The following ROBO1 variants were observed in gnomAD, a reference collection of about 807,000 sequenced individuals.
ROBO1 encodes roundabout homolog 1.
A neutral mutation model predicts 195.9 loss-of-function variants in ROBO1; 149 were observed. The ratio of observed to expected loss-of-function variants is 0.76; its 90% CI spans 0.67 to 0.87. ROBO1 has a LOEUF of 0.87. Among genes scored for constraint, ROBO1 ranks in the 40% least tolerant of loss-of-function variants. The probability of loss-of-function intolerance (pLI) is 0.00; values close to 1 mark genes in which losing one functional copy is unlikely to be tolerated. For synonymous variants in ROBO1, 816 were observed against 733.2 expected, an observed-to-expected ratio of 1.11 and a Z score of -1.82; for missense variants, 1,933 against 2,068.3, an observed-to-expected ratio of 0.93 and a Z score of 1.27.
At chr3:79,417,495 A>G (rs767441065) in intron 2 of ROBO1, among the ~76,000 whole-genome samples, 3 of 152,100 alleles carry the variant, frequency 2.0e-5, no homozygotes, top group Non-Finnish European at 4.4e-5. Flanking sequence ...CTCTAAAACT[A>G]TATGAGATAA....
At chr3:79,352,806 C>G (rs1457407218) in intron 2 of ROBO1, among the ~76,000 whole-genome samples, 2 of 146,028 alleles carry the variant, frequency 1.4e-5, no homozygotes, top group Non-Finnish European at 1.5e-5. Context: ...AATAAGATTA[C>G]TTACTATTGT....
At chr3:79,477,016 C>A (rs890450825) in intron 2 of ROBO1, among the ~76,000 whole-genome samples, 2 of 151,916 alleles carry the variant, frequency 1.3e-5, no homozygotes, top group Non-Finnish European at 2.9e-5. Context: ...TTTATTAACA[C>A]ATTAATTAAT....
intron 4 of ROBO1, among the ~76,000 whole-genome samples, chr3:78,757,601 T>A (rs1047143801): frequency 6.6e-6 from 1 of 152,104 alleles, no homozygotes; most frequent in Non-Finnish European, 1.5e-5. Flanking sequence ...CAGTTTAAAA[T>A]GATCTCATTA....
At chr3:79,499,582 A>G (rs575532972) in intron 2 of ROBO1, among the ~76,000 whole-genome samples, 20 of 152,298 alleles carry the variant, frequency 1.3e-4, no homozygotes, top group African/African-American at 4.6e-4. Context: ...CCTTCAAAAC[A>G]ATGACCACAA....
At chr3:79,138,298 T>G (rs2080456057) in intron 2 of ROBO1, among the ~76,000 whole-genome samples, 1 of 152,032 alleles carries the variant, frequency 6.6e-6, no homozygotes, top group Admixed American at 6.5e-5. Context: ...CAATACTTTT[T>G]TTGTTGAATG....
At chr3:78,921,948 A>G (rs1354484017) in intron 4 of ROBO1, among the ~76,000 whole-genome samples, 1 of 152,030 alleles carries the variant, frequency 6.6e-6, no homozygotes, top group African/African-American at 2.4e-5. Context: ...CACCATGCCC[A>G]GCTATTTTTT....
At chr3:79,431,014 C>A (rs1430618228) in intron 2 of ROBO1, among the ~76,000 whole-genome samples, 3 of 151,950 alleles carry the variant, frequency 2.0e-5, no homozygotes, top group African/African-American at 7.3e-5. Context: ...ATAGGTTCTG[C>A]CAGGTAGGTG....
At chr3:79,317,445 CA>C (rs2033786008) in intron 2 of ROBO1, among the ~76,000 whole-genome samples, 1 of 151,996 alleles carries the variant, frequency 6.6e-6, no homozygotes, top group Non-Finnish European at 1.5e-5. Context: ...CTTAACATTA[CA>C]AAATTACTTA....
chr3:78,608,325 C>T (rs1274190506), intron 28 of ROBO1, among the ~76,000 whole-genome samples: 1 of 151,960 alleles, frequency 6.6e-6, no homozygotes, highest in Non-Finnish European at 1.5e-5. Flanking sequence ...AGGCTGGTCT[C>T]GAACTCCTAT....
At chr3:79,425,134 T>C (rs1041945846) in intron 2 of ROBO1, among the ~76,000 whole-genome samples, 2 of 152,174 alleles carry the variant, frequency 1.3e-5, no homozygotes, top group African/African-American at 4.8e-5. Context: ...CTTCAATAAA[T>C]GCATATGACT....
At chr3:78,761,218 C>G (rs1442022376) in intron 4 of ROBO1, among the ~76,000 whole-genome samples, 4 of 150,740 alleles carry the variant, frequency 2.7e-5, no homozygotes, top group Admixed American at 1.3e-4. Flanking sequence ...TGCCCTGCAA[C>G]TTGTTTAAAA....
chr3:78,657,328 C>A, intron 17 of ROBO1, 59 bp from the exon 18 acceptor site: 2 of 1,563,440 alleles, frequency 1.3e-6, no homozygotes, highest in South Asian at 2.4e-5. Flanking sequence ...ATGCAAAGAT[C>A]AACACAGGGT....
At chr3:79,317,740 T>C (rs1182745659) in intron 2 of ROBO1, among the ~76,000 whole-genome samples, 1 of 152,102 alleles carries the variant, frequency 6.6e-6, no homozygotes, top group African/African-American at 2.4e-5. Flanking sequence ...TTTGAAATAG[T>C]TCTTCCCTCT....
rs1307460022 is a variant in ROBO1, at chr3:79,439,456, TTATC to T, written c.88+150364_88+150367del. ...ATAAATGAATTTACCAAAACTATTA[TTATC>T]TAAATTATTTTTAGGTATGCTTTTG... On this transcript the variant is annotated intron_variant, in intron 2 of 30. Coordinates refer to ENST00000464233, the MANE Select transcript of ROBO1 (RefSeq NM_002941.4). Among the ~76,000 whole-genome samples the T allele has an allele frequency of 1.3e-5, 2 of 152,098 alleles. 1 individual carries two copies.
intron 2 of ROBO1, among the ~76,000 whole-genome samples, chr3:79,531,659 A>G (rs6548630): frequency 0.57 from 86,913 of 152,010 alleles, 24,976 homozygotes; most frequent in Non-Finnish European, 0.6. Context: ...AAAATAGCAA[A>G]TTGATACTTA....
At chr3:78,829,237 A>T (rs1341741136) in intron 4 of ROBO1, among the ~76,000 whole-genome samples, 1 of 152,190 alleles carries the variant, frequency 6.6e-6, no homozygotes, top group East Asian at 1.9e-4. Flanking sequence ...TGAGTCCTCG[A>T]TAAATACTTG....
intron 4 of ROBO1, among the ~76,000 whole-genome samples, chr3:78,916,665 C>T (rs1323663175): frequency 6.6e-6 from 1 of 151,766 alleles, no homozygotes; most frequent in South Asian, 2.1e-4. Flanking sequence ...AAACTGGAAG[C>T]TTTCTGCAAA....
chr3:78,827,467 T>C (rs2031727084), intron 4 of ROBO1, among the ~76,000 whole-genome samples: 1 of 152,174 alleles, frequency 6.6e-6, no homozygotes, highest in Admixed American at 6.5e-5. Flanking sequence ...ATATAGCAGG[T>C]GCATGCCAGT....
At chr3:79,232,157 A>G (rs1187972379) in intron 2 of ROBO1, among the ~76,000 whole-genome samples, 2 of 151,812 alleles carry the variant, frequency 1.3e-5, no homozygotes, top group Non-Finnish European at 2.9e-5. Flanking sequence ...CCCTTGACAC[A>G]AGTTTAATTA....
Sources: gnomAD v4.1 joint callset for allele counts (sites outside exome capture counted in the v4.1 genomes callset) on GRCh38, gnomAD v4.1.1 for gene constraint, MANE v1.5 for transcripts, NCBI Gene and HGNC (gene_info 2026-07-23, HGNC 2026-07-21) for gene names.